Variants in PEAK1 observed in about 807,000 individuals in gnomAD.
PEAK1 encodes the protein inactive tyrosine-protein kinase PEAK1.
In PEAK1, 54 loss-of-function variants were observed where a neutral mutation model predicts 124.7. The observed-to-expected ratio is 0.43, with a 90% CI of 0.35 to 0.54. The LOEUF is 0.54. Among genes scored for constraint, PEAK1 ranks in the 20% least tolerant of loss-of-function variants. PEAK1 has a pLI of 0.01. For synonymous variants in PEAK1, 719 were observed against 760.0 expected, an observed-to-expected ratio of 0.95 and a Z score of 0.89; for missense variants, 2,046 against 2,134.5, an observed-to-expected ratio of 0.96 and a Z score of 0.82.
At chr15:77,336,105 C>T (rs1296361108) in intron 2 of PEAK1, 6 of 985,364 alleles carry the variant, frequency 6.1e-6, no homozygotes, top group Non-Finnish European at 7.2e-6. Context: ...CAGTGAGTGC[C>T]AACTTCTCTG....
chr15:77,213,987 T>C (rs1157389836), intron 6 of PEAK1, among the ~76,000 whole-genome samples: 1 of 152,208 alleles, frequency 6.6e-6, no homozygotes, highest in Admixed American at 6.5e-5. Flanking sequence ...TCAGTCACTA[T>C]TGCTATTCCT....
At chr15:77,246,913 G>C (rs1017362963) in intron 6 of PEAK1, among the ~76,000 whole-genome samples, 1 of 152,118 alleles carries the variant, frequency 6.6e-6, no homozygotes, top group African/African-American at 2.4e-5. Context: ...AGCTACTCAA[G>C]AGGCTGAGGT....
intron 8 of PEAK1, among the ~76,000 whole-genome samples, chr15:77,144,283 T>C (rs137903807): frequency 0.011 from 1,630 of 152,346 alleles, 12 homozygotes; most frequent in Non-Finnish European, 0.017. Flanking sequence ...ATATGTTCCA[T>C]ATTTTTATTT....
intron 9 of PEAK1, 61 bp downstream of exon 9, chr15:77,132,944 A>G (rs1032887746): frequency 1.3e-6 from 2 of 1,483,512 alleles, no homozygotes; most frequent in East Asian, 2.3e-5. Flanking sequence ...AGCAGAATGA[A>G]TCCATCCCAG....
chr15:77,400,048 G>C (rs2071224374), intron 1 of PEAK1, among the ~76,000 whole-genome samples: 1 of 152,082 alleles, frequency 6.6e-6, no homozygotes, highest in Non-Finnish European at 1.5e-5. Flanking sequence ...ATGGCAAATA[G>C]ATCTATGAAA....
chr15:77,252,058 T>C (rs529083566), intron 6 of PEAK1, among the ~76,000 whole-genome samples: 1 of 152,350 alleles, frequency 6.6e-6, no homozygotes, highest in Non-Finnish European at 1.5e-5. Flanking sequence ...AAAGCCAAGA[T>C]CCCTCATGGG....
chr15:77,348,665 C>T (rs1268385958), intron 2 of PEAK1: 2 of 985,188 alleles, frequency 2.0e-6, no homozygotes, highest in East Asian at 1.1e-4. Context: ...GTATAAGATC[C>T]AATTGATGTC....
chr15:77,401,185 A>C (rs771155170), intron 1 of PEAK1, among the ~76,000 whole-genome samples: 5 of 152,206 alleles, frequency 3.3e-5, no homozygotes, highest in African/African-American at 4.8e-5. Context: ...AACTGCTTTC[A>C]CACATACCCT....
At chr15:77,248,308 A>G (rs1226617373) in intron 6 of PEAK1, among the ~76,000 whole-genome samples, 1 of 152,224 alleles carries the variant, frequency 6.6e-6, no homozygotes, top group Non-Finnish European at 1.5e-5. Flanking sequence ...AACTTTGAGA[A>G]TGATATCCTC....
chr15:77,182,749 C>CAAAAAAAAA (rs71143395), intron 6 of PEAK1, among the ~76,000 whole-genome samples: 30,589 of 64,036 alleles, frequency 0.48, 8,701 homozygotes, highest in Non-Finnish European at 0.6. Context: ...GACCTTGTCT[C>CAAAAAAAAA]AAAAAAAAAA....
chr15:77,247,265 T>C (rs898949964), intron 6 of PEAK1, among the ~76,000 whole-genome samples: 10 of 152,268 alleles, frequency 6.6e-5, no homozygotes, highest in African/African-American at 2.4e-4. Flanking sequence ...CTACCTTGTC[T>C]TGTTCTCAAT....
chr15:77,352,460 A>G (rs1248704967), intron 2 of PEAK1: 1 of 985,300 alleles, frequency 1.0e-6, no homozygotes, highest in Non-Finnish European at 1.2e-6. Context: ...GATGAGGGAC[A>G]GCTGTTGAGA....
At chr15:77,369,170 A>G (rs1186072733) in intron 1 of PEAK1, among the ~76,000 whole-genome samples, 1 of 152,224 alleles carries the variant, frequency 6.6e-6, no homozygotes, top group African/African-American at 2.4e-5. Flanking sequence ...AGTCTCAGAC[A>G]TTAAGGATAC....
intron 5 of PEAK1, among the ~76,000 whole-genome samples, chr15:77,275,160 T>TG (rs2062243967): frequency 6.6e-6 from 1 of 152,076 alleles, no homozygotes; most frequent in Non-Finnish European, 1.5e-5. Context: ...TTTGAGGACT[T>TG]GGAGGAATGA....
At chr15:77,115,534 C>T (rs536884864) in intron 9 of PEAK1, among the ~76,000 whole-genome samples, 4 of 152,204 alleles carry the variant, frequency 2.6e-5, no homozygotes, top group Non-Finnish European at 4.4e-5. Flanking sequence ...TTTAAGTGTA[C>T]CATTTTTAGT....
intron 8 of PEAK1, among the ~76,000 whole-genome samples, chr15:77,138,477 C>T (rs1291170043): frequency 6.6e-6 from 1 of 152,152 alleles, no homozygotes; most frequent in Non-Finnish European, 1.5e-5. Context: ...AACTTTTTAA[C>T]TTTATAAGCT....
intron 2 of PEAK1, among the ~76,000 whole-genome samples, chr15:77,326,067 G>A (rs1458136712): frequency 6.6e-6 from 1 of 152,044 alleles, no homozygotes; most frequent in Non-Finnish European, 1.5e-5. Context: ...TAAATTGTAA[G>A]AGAAATCTGA....
At position 77,302,799 on chromosome 15, in the gene PEAK1, A is replaced by G. The variant is rs559303320; in HGVS notation, c.-602-16295T>C. Among the ~76,000 whole-genome samples the G allele has an allele frequency of 2.0e-5, 3 of 152,318 alleles. No individual in the cohort carries two copies. The South Asian group carries it at 6.2e-4, about 32-fold the overall frequency. On this transcript the variant is annotated intron_variant, in intron 2 of 9. Coordinates refer to ENST00000682557, the MANE Select transcript of PEAK1 (RefSeq NM_001385026.1). ...AAGTTTTCAAAAATTTGTACACATT[A>G]AGATCCACTCTTTCTGCTATAAAAT...
At chr15:77,229,797 A>G (rs1163583919) in intron 6 of PEAK1, among the ~76,000 whole-genome samples, 2 of 151,810 alleles carry the variant, frequency 1.3e-5, no homozygotes, top group Admixed American at 6.6e-5. Context: ...ACAGGCGTCC[A>G]CCACCATGCC....
Sources: allele counts gnomAD v4.1 joint callset (sites outside exome capture counted in the v4.1 genomes callset), GRCh38; gene constraint gnomAD v4.1.1; transcripts MANE v1.5; gene names NCBI Gene and HGNC (gene_info 2026-07-23, HGNC 2026-07-21).